The following ZHX3 variants were observed in gnomAD, a reference collection of about 807,000 sequenced individuals.
The protein encoded by ZHX3 is zinc fingers and homeoboxes protein 3.
Under a neutral mutation model 64.5 loss-of-function variants are expected in ZHX3, and 20 were observed. The observed-to-expected ratio is 0.31, with a 90% CI of 0.22 to 0.45. ZHX3 has a LOEUF of 0.45. ZHX3 is among the 20% of genes least tolerant of loss of function. The pLI is 1.00. For missense variants in ZHX3, 1,041 were observed against 1,195.8 expected, an observed-to-expected ratio of 0.87 and a Z score of 1.91; for synonymous variants, 423 against 461.6, an observed-to-expected ratio of 0.92 and a Z score of 1.07.
In ZHX3 at chr20:41,232,535, T is replaced by G. The variant is rs867058023; in HGVS notation, c.-150-27469A>C. Among the ~76,000 whole-genome samples the G allele has an allele frequency of 7.2e-5, 11 of 152,078 alleles. No individual in the cohort carries two copies. The highest frequency in any genetic ancestry group is 1.9e-4 in the African/African-American group (8 of 41,420). ...ACCACAGGAGTGGAAAAGAAAGAGATATGAAAATTGAAACACAGCACCCTC... is the reference window on the plus strand; with the variant it reads ...ACCACAGGAGTGGAAAAGAAAGAGAGATGAAAATTGAAACACAGCACCCTC... On this transcript the variant is annotated intron_variant, in intron 2 of 3. Transcript: ENST00000683867. The surrounding 1 kb of genome is among the most constrained non-coding windows in gnomAD (Gnocchi z 5.0).
rs1038210637 is a variant in ZHX3 at position 41,178,613 on chromosome 20, A to T, written c.*6578T>A. The T allele has an allele frequency of 6.5e-6, 1 of 152,694 alleles. No homozygotes were observed. The highest frequency in any genetic ancestry group is 1.5e-5 in the Non-Finnish European group (1 of 68,040). 9.5% of individuals were successfully genotyped at this position (152,694 alleles called of 1,614,324 possible). A position where few individuals can be genotyped will look rare whatever the true frequency, so the allele number is the denominator to read the frequency against. On this transcript the variant is annotated 3_prime_UTR_variant, in exon 4 of 4. Coordinates refer to ENST00000683867, the MANE Select transcript of ZHX3 (RefSeq NM_001384317.1). ...CAATTTGCATCTTAGAAATAGCAGC[A>T]TCCCCACAGGGGACCTCGTGAGGCC... is the stretch of plus-strand genomic sequence containing the variant.
At chr20:41,235,884 C>T (rs1487576140) in intron 2 of ZHX3, among the ~76,000 whole-genome samples, 1 of 152,154 alleles carries the variant, frequency 6.6e-6, no homozygotes, top group Non-Finnish European at 1.5e-5. Context: ...ATCATCTCAG[C>T]CCAAAATCTC....
chr20:41,269,971 C>T (rs908420629), intron 1 of ZHX3, among the ~76,000 whole-genome samples: 1 of 152,108 alleles, frequency 6.6e-6, no homozygotes, highest in Non-Finnish European at 1.5e-5. Context: ...TAGCTTTACA[C>T]TGCATCAGGG....
At chr20:41,214,652 C>T (rs1444261543) in intron 2 of ZHX3, among the ~76,000 whole-genome samples, 1 of 152,208 alleles carries the variant, frequency 6.6e-6, no homozygotes, top group African/African-American at 2.4e-5. Flanking sequence ...CAACATTACC[C>T]ATTTAGGTAA....
At chr20:41,286,816 AT>A (rs1416681886) in intron 1 of ZHX3, among the ~76,000 whole-genome samples, 2 of 152,114 alleles carry the variant, frequency 1.3e-5, no homozygotes, top group African/African-American at 4.8e-5. Context: ...GTGGGAGGTG[AT>A]TGGATATGGG....
In ZHX3 at chr20:41,181,666, GA is replaced by G. The variant is rs1291015983; in HGVS notation, c.*3524del. 2 of 152,280 alleles carry G rather than the reference GA, an allele frequency of 1.3e-5. No homozygotes were observed. The highest frequency in any genetic ancestry group is 4.8e-5 in the African/African-American group (2 of 41,456). The allele number at this position is 152,280 out of a possible 1,614,324, so 9.4% of individuals were successfully genotyped here. Reference sequence around the variant, plus strand: ...CCCAGAGCCAGGAGAGAGAGGGAGAGAACACAGGACCTGCCCCTAGGCCACT... The same window carrying G: ...CCCAGAGCCAGGAGAGAGAGGGAGAGACACAGGACCTGCCCCTAGGCCACT... On this transcript the variant is annotated 3_prime_UTR_variant, in exon 4 of 4. Coordinates refer to ENST00000683867, the MANE Select transcript of ZHX3 (RefSeq NM_001384317.1).
chr20:41,196,435 T>TATAAATATATATTTATATATTATAA (rs2037572760), intron 3 of ZHX3, among the ~76,000 whole-genome samples: 1 of 3,934 alleles, frequency 2.5e-4, no homozygotes, highest in Non-Finnish European at 4.9e-4. Flanking sequence ...TTTATATAAA[T>TATAAATATATATTTATATATTATAA]ATATATATTA....
At chr20:41,191,885 C>A (rs1165423580) in intron 3 of ZHX3, among the ~76,000 whole-genome samples, 1 of 152,210 alleles carries the variant, frequency 6.6e-6, no homozygotes, top group Admixed American at 6.5e-5. Flanking sequence ...CCAGTGGTAG[C>A]AGCAGTGGAC....
At chr20:41,266,997 A>C (rs902481944) in intron 2 of ZHX3, among the ~76,000 whole-genome samples, 2 of 151,726 alleles carry the variant, frequency 1.3e-5, no homozygotes, top group Non-Finnish European at 2.9e-5. Flanking sequence ...GGCGCCTGCC[A>C]CCATGCCTGA....
intron 2 of ZHX3, among the ~76,000 whole-genome samples, chr20:41,237,437 A>T (rs892556770): frequency 6.6e-6 from 1 of 152,256 alleles, no homozygotes; most frequent in South Asian, 2.1e-4. Flanking sequence ...GCAGCCATAA[A>T]AAATGATGAG....
At position 41,271,597 on chromosome 20, in the gene ZHX3, A is replaced by C. The variant is rs115484179; in HGVS notation, c.-244-2514T>G. Among the ~76,000 whole-genome samples the C allele has an allele frequency of 3.6e-3, 545 of 152,240 alleles. 5 individuals carry two copies. Among genetic ancestry groups the C allele is most frequent in the African/African-American group, 0.013 (521 of 41,540 alleles). On this transcript the variant is annotated intron_variant, in intron 1 of 3. Transcript: ENST00000683867. The stretch of plus-strand genomic sequence containing the variant: ...GGAAGACAACATTTGCTGGAGAAAA[A>C]AGTCTCCAAAAACAGCACTGACTGT...
chr20:41,317,057 G>C (rs1187563132), intron 1 of ZHX3: 1 of 152,370 alleles, frequency 6.6e-6, no homozygotes, highest in Non-Finnish European at 1.5e-5. Context: ...AAGGGCCCTC[G>C]GGCGTGGACG....
intron 1 of ZHX3, among the ~76,000 whole-genome samples, chr20:41,277,825 T>A (rs1454471978): frequency 7.3e-6 from 1 of 137,336 alleles, no homozygotes; most frequent in African/African-American, 2.7e-5. Flanking sequence ...TCTCCTGACC[T>A]CGTGATCTGC....
intron 2 of ZHX3, among the ~76,000 whole-genome samples, chr20:41,233,295 G>C (rs1252469881): frequency 6.6e-6 from 1 of 152,202 alleles, no homozygotes; most frequent in Non-Finnish European, 1.5e-5. Flanking sequence ...CTATGTTGTG[G>C]TGTATACACC....
chr20:41,255,265 C>A (rs981549214), intron 2 of ZHX3, among the ~76,000 whole-genome samples: 2 of 152,136 alleles, frequency 1.3e-5, no homozygotes, highest in African/African-American at 2.4e-5. Flanking sequence ...CATTCTCTTG[C>A]CTCAGCCTCC....
At chr20:41,279,209 A>T (rs910720669) in intron 1 of ZHX3, among the ~76,000 whole-genome samples, 29 of 152,224 alleles carry the variant, frequency 1.9e-4, no homozygotes, top group Non-Finnish European at 7.3e-5. Context: ...GCCAAACTGC[A>T]CTGAGTATTG....
intron 2 of ZHX3, among the ~76,000 whole-genome samples, chr20:41,221,372 C>G (rs1289330947): frequency 6.6e-6 from 1 of 152,098 alleles, no homozygotes; most frequent in African/African-American, 2.4e-5. Context: ...GGACTTGTAC[C>G]AAAATACAAT....
chr20:41,207,027 A>G (rs1455797539), intron 2 of ZHX3, among the ~76,000 whole-genome samples: 1 of 152,260 alleles, frequency 6.6e-6, no homozygotes, highest in Admixed American at 6.5e-5. Flanking sequence ...CTTTCAATCC[A>G]GAATTTCATA....
chr20:41,259,165 C>T (rs2042428422), intron 2 of ZHX3, among the ~76,000 whole-genome samples: 3 of 152,136 alleles, frequency 2.0e-5, no homozygotes, highest in African/African-American at 4.8e-5. Context: ...ATCACAGTTC[C>T]ACCATGGACT....
Sources: gnomAD v4.1 joint callset for allele counts (sites outside exome capture counted in the v4.1 genomes callset) on GRCh38, gnomAD v4.1.1 for gene constraint, Gnocchi (gnomAD v3.1) non-coding constraint, MANE v1.5 for transcripts, NCBI Gene and HGNC (gene_info 2026-07-23, HGNC 2026-07-21) for gene names.